The following CCDC171 variants were observed in gnomAD, a reference collection of about 807,000 sequenced individuals.
The protein encoded by CCDC171 is coiled-coil domain containing 171, also known as coiled-coil domain-containing protein 171.
In CCDC171, 177 loss-of-function variants were observed where a neutral mutation model predicts 168.2. The ratio of observed to expected loss-of-function variants is 1.05; its 90% CI spans 0.93 to 1.19. CCDC171 has a LOEUF of 1.19. Among genes scored for constraint, CCDC171 ranks in the 50% most tolerant of loss-of-function variants. The pLI is 0.00. For synonymous variants in CCDC171, 687 were observed against 540.8 expected (o/e 1.27, Z -3.75); for missense variants, 1,991 against 1,539.0 (o/e 1.29, Z -4.91).
At chr9:15,870,739 A>G (rs532471070) in intron 23 of CCDC171, among the ~76,000 whole-genome samples, 5 of 151,248 alleles carry the variant, frequency 3.3e-5, no homozygotes, top group African/African-American at 7.3e-5. Context: ...GAGTTGAGCA[A>G]TTTTTCTAGA....
chr9:15,782,937 T>C (rs1417974109), intron 20 of CCDC171, among the ~76,000 whole-genome samples: 1 of 152,200 alleles, frequency 6.6e-6, no homozygotes. Flanking sequence ...GCAACTTTCC[T>C]GTGTGTCTTG....
chr9:15,592,906 G>C (rs1159362559), intron 5 of CCDC171, among the ~76,000 whole-genome samples: 2 of 151,748 alleles, frequency 1.3e-5, no homozygotes, highest in East Asian at 3.8e-4. Context: ...AAGCTTTAGG[G>C]TACATGTGCA....
chr9:15,983,480 TTGTGTGTG>T (rs56910418), intron 3 of CCDC171, among the ~76,000 whole-genome samples: 258 of 144,108 alleles, frequency 1.8e-3, no homozygotes, highest in Admixed American at 6.5e-3. Context: ...TTGTGATCAG[TTGTGTGTG>T]TGTGTGTGTG....
chr9:15,599,786 C>A (rs2042684829), intron 6 of CCDC171, among the ~76,000 whole-genome samples: 1 of 152,234 alleles, frequency 6.6e-6, no homozygotes, highest in South Asian at 2.1e-4. Context: ...CAGGTACACC[C>A]ATCAGACGTA....
chr9:15,720,793 A>T (rs906805092), intron 11 of CCDC171, among the ~76,000 whole-genome samples: 5 of 151,974 alleles, frequency 3.3e-5, no homozygotes, highest in African/African-American at 1.2e-4. Context: ...GCACCCATTA[A>T]CTCGTCATTT....
chr9:15,984,649 G>C (rs980700094), intron 3 of CCDC171, among the ~76,000 whole-genome samples: 5 of 151,914 alleles, frequency 3.3e-5, no homozygotes, highest in East Asian at 3.9e-4. Flanking sequence ...TTCATTTAAT[G>C]GACTATCAGG....
intron 24 of CCDC171, among the ~76,000 whole-genome samples, chr9:15,918,407 G>A (rs1182679576): frequency 6.9e-6 from 1 of 144,868 alleles, no homozygotes; most frequent in South Asian, 2.2e-4. Flanking sequence ...ACAACATAGA[G>A]TTGAATCAAA....
intron 6 of CCDC171, among the ~76,000 whole-genome samples, chr9:15,615,821 C>T (rs1415922932): frequency 1.3e-5 from 2 of 151,348 alleles, no homozygotes; most frequent in African/African-American, 4.9e-5. Flanking sequence ...CTCTGTCACC[C>T]AGGCTGGAGT....
intron 24 of CCDC171, among the ~76,000 whole-genome samples, chr9:15,882,287 A>G (rs980867842): frequency 4.6e-5 from 7 of 152,006 alleles, no homozygotes; most frequent in South Asian, 2.1e-4. Flanking sequence ...AAATTAAATT[A>G]TTTGTTATTT....
At chr9:15,916,718 T>G (rs1314165982) in intron 24 of CCDC171, among the ~76,000 whole-genome samples, 1 of 152,076 alleles carries the variant, frequency 6.6e-6, no homozygotes, top group Non-Finnish European at 1.5e-5. Flanking sequence ...CTTTTTATAT[T>G]CTAATGCACG....
chr9:15,904,320 T>C (rs7033152), intron 24 of CCDC171, among the ~76,000 whole-genome samples: 85,815 of 152,046 alleles, frequency 0.56, 24,322 homozygotes, highest in East Asian at 0.81. Flanking sequence ...AGACTAACAG[T>C]GGATCTCTCG....
At chr9:15,824,351 T>G (rs529937693) in intron 21 of CCDC171, among the ~76,000 whole-genome samples, 2 of 152,124 alleles carry the variant, frequency 1.3e-5, no homozygotes, top group East Asian at 3.9e-4. Flanking sequence ...ATTTTATATG[T>G]TAATATATAT....
At chr9:16,067,778 T>A in the CCDC171 span, among the ~76,000 whole-genome samples, 4 of 152,206 alleles carry the variant, frequency 2.6e-5, no homozygotes, top group Non-Finnish European at 4.4e-5. Context: ...GTTGTAGATA[T>A]GCAGTGTTAT....
At chr9:15,687,354 G>A (rs950976385) in intron 10 of CCDC171, among the ~76,000 whole-genome samples, 8 of 151,998 alleles carry the variant, frequency 5.3e-5, no homozygotes, top group African/African-American at 1.9e-4. Flanking sequence ...CTACTTGGAA[G>A]GCTGAGGTGG....
At chr9:15,822,416 A>C (rs1413432576) in intron 21 of CCDC171, among the ~76,000 whole-genome samples, 1 of 151,748 alleles carries the variant, frequency 6.6e-6, no homozygotes, top group Non-Finnish European at 1.5e-5. Flanking sequence ...ATGGGAGAAA[A>C]TTTTTGCAAC....
chr9:15,812,137 A>C (rs540593928), intron 21 of CCDC171, among the ~76,000 whole-genome samples: 1 of 152,316 alleles, frequency 6.6e-6, no homozygotes, highest in East Asian at 1.9e-4. Context: ...CCAAAATAAA[A>C]GGGACGAGAG....
chr9:15,800,233 A>G (rs1054606368), intron 21 of CCDC171, among the ~76,000 whole-genome samples: 7 of 152,132 alleles, frequency 4.6e-5, no homozygotes, highest in Admixed American at 1.3e-4. Flanking sequence ...ATTCCCACCA[A>G]CAGCATACAA....
chr9:16,092,322 C>G, the CCDC171 span, among the ~76,000 whole-genome samples: 1 of 152,168 alleles, frequency 6.6e-6, no homozygotes, highest in Non-Finnish European at 1.5e-5. Flanking sequence ...GAAGCTTGTT[C>G]GAAATGCAGA....
At chr9:15,822,521 G>A (rs200083130) in intron 21 of CCDC171, among the ~76,000 whole-genome samples, 6 of 152,052 alleles carry the variant, frequency 3.9e-5, no homozygotes, top group East Asian at 1.9e-4. Context: ...ACAAGTGGGC[G>A]AAGGATATGA....
Sources: allele counts gnomAD v4.1 joint callset (sites outside exome capture counted in the v4.1 genomes callset), GRCh38; gene constraint gnomAD v4.1.1; transcripts MANE v1.5; gene names NCBI Gene and HGNC (gene_info 2026-07-23, HGNC 2026-07-21).